The following RAD51B variants were observed in gnomAD, a reference collection of about 807,000 sequenced individuals.
RAD51B encodes RAD51 paralog B, also known as DNA repair protein RAD51 homolog 2.
In RAD51B, 38 loss-of-function variants were observed where a neutral mutation model predicts 42.2. The ratio of observed to expected loss-of-function variants is 0.90; its 90% confidence interval spans 0.70 to 1.18. The LOEUF (loss-of-function observed/expected upper bound fraction) is 1.18, where lower values mean the gene tolerates loss of function less well. Among genes scored for constraint, RAD51B ranks in the 50% most tolerant of loss-of-function variants. RAD51B has a pLI of 0.00. For missense variants in RAD51B, 373 were observed against 400.7 expected (o/e 0.93, Z 0.59); for synonymous variants, 154 against 145.2 (o/e 1.06, Z -0.43).
chr14:68,341,014 C>G (rs1049146212), intron 8 of RAD51B, among the ~76,000 whole-genome samples: 1 of 152,148 alleles, frequency 6.6e-6, no homozygotes, highest in Non-Finnish European at 1.5e-5. Context: ...AGGTGAGAAG[C>G]AAGAATTTTC....
intron 8 of RAD51B, among the ~76,000 whole-genome samples, chr14:68,344,955 A>AAC (rs1258572407): frequency 2.0e-5 from 3 of 151,846 alleles, no homozygotes; most frequent in Non-Finnish European, 4.4e-5. Context: ...TCAAAAAAAA[A>AAC]AAAAAAAAAA....
chr14:68,284,943 C>T (rs1274034976), intron 7 of RAD51B, among the ~76,000 whole-genome samples: 1 of 152,098 alleles, frequency 6.6e-6, no homozygotes, highest in African/African-American at 2.4e-5. Context: ...CGTCTGGGAG[C>T]GTGGCCTTTC....
At chr14:68,670,295 T>C (rs1893129510) in intron 11 of RAD51B, among the ~76,000 whole-genome samples, 1 of 152,100 alleles carries the variant, frequency 6.6e-6, no homozygotes. Flanking sequence ...GGTGGAACAG[T>C]GGACAGATGG....
At chr14:67,982,846 T>C (rs1566554586) in intron 7 of RAD51B, among the ~76,000 whole-genome samples, 1 of 152,048 alleles carries the variant, frequency 6.6e-6, no homozygotes, top group Non-Finnish European at 1.5e-5. Flanking sequence ...GGAAGATCAC[T>C]TGAGCCCAGG....
intron 7 of RAD51B, among the ~76,000 whole-genome samples, chr14:68,043,846 A>G (rs1406846490): frequency 3.9e-5 from 6 of 152,364 alleles, no homozygotes; most frequent in Admixed American, 2.6e-4. Flanking sequence ...AAAGATGGCA[A>G]AACCCCTAGA....
In RAD51B at chr14:68,190,404, A is replaced by C. The variant is rs538684663; in HGVS notation, c.757-101480A>C. Among the ~76,000 whole-genome samples the C allele has an allele frequency of 5.9e-5, 9 of 152,358 alleles. No individual in the cohort carries two copies. The South Asian group carries it at 1.9e-3, about 32-fold the overall frequency. On this transcript the variant is annotated intron_variant, in intron 7 of 10. Transcript: ENST00000471583. ...GGAAACAGATTTTTAAAAATGTATA[A>C]ATAGATAAACATGTATAAGCAGAGT...
chr14:67,887,009 C>A lies in RAD51B; in HGVS notation c.573-12C>A. 3 of 1,419,404 alleles carry A rather than the reference C, an allele frequency of 2.1e-6. No individual in the cohort carries two copies. The highest frequency in any genetic ancestry group is 2.8e-5 in the South Asian group (2 of 72,648). 87.9% of individuals were successfully genotyped at this position (1,419,404 alleles called of 1,614,324 possible). A position where few individuals can be genotyped will look rare whatever the true frequency, so the allele number is the denominator to read the frequency against. ...AAATTTATTGACTATTTTATAAATT[C>A]TTCTTTTATAGGATTGAATCTTTGG... On this transcript the variant is annotated splice_polypyrimidine_tract_variant and intron_variant, in intron 6 of 10. Transcript: ENST00000471583.
chr14:67,963,838 A>AT (rs939550791), intron 7 of RAD51B, among the ~76,000 whole-genome samples: 2 of 151,528 alleles, frequency 1.3e-5, no homozygotes, highest in African/African-American at 4.8e-5. Flanking sequence ...TTTTTTTAGG[A>AT]TTTTTTTGAG....
At chr14:68,318,468 A>C (rs1205524972) in intron 8 of RAD51B, among the ~76,000 whole-genome samples, 1 of 152,198 alleles carries the variant, frequency 6.6e-6, no homozygotes, top group African/African-American at 2.4e-5. Flanking sequence ...TTCTAAATTT[A>C]AGTTGCTAAG....
intron 7 of RAD51B, among the ~76,000 whole-genome samples, chr14:68,148,921 T>C (rs1019872228): frequency 2.6e-5 from 4 of 152,230 alleles, no homozygotes; most frequent in African/African-American, 4.8e-5. Context: ...TTTTGACTTA[T>C]GAGTTTTCAA....
chr14:68,598,021 T>C (rs1226440183), downstream of RAD51B, among the ~76,000 whole-genome samples: 1 of 151,998 alleles, frequency 6.6e-6, no homozygotes, highest in Non-Finnish European at 1.5e-5. Flanking sequence ...CTTAGAAAAA[T>C]AGACGGCCGT....
intron 3 of RAD51B, among the ~76,000 whole-genome samples, chr14:67,834,570 C>T (rs1257862267): frequency 6.6e-6 from 1 of 152,130 alleles, no homozygotes; most frequent in African/African-American, 2.4e-5. Flanking sequence ...TACACCCACA[C>T]TCCATCTTTC....
intron 8 of RAD51B, among the ~76,000 whole-genome samples, chr14:68,315,869 T>A (rs913755640): frequency 6.6e-6 from 1 of 152,222 alleles, no homozygotes; most frequent in Admixed American, 6.5e-5. Flanking sequence ...AATTTTCTAC[T>A]ACTAGAACAA....
chr14:68,488,680 C>T (rs1370986727), intron 10 of RAD51B, among the ~76,000 whole-genome samples: 2 of 152,226 alleles, frequency 1.3e-5, no homozygotes, highest in Non-Finnish European at 2.9e-5. Context: ...GACATCCACC[C>T]TGCTCTTTGG....
intron 7 of RAD51B, among the ~76,000 whole-genome samples, chr14:68,167,002 A>C (rs916527759): frequency 6.6e-6 from 1 of 152,040 alleles, no homozygotes; most frequent in Non-Finnish European, 1.5e-5. Flanking sequence ...GGCAGCTGCA[A>C]TTGTCTTCCT....
intron 5 of RAD51B, among the ~76,000 whole-genome samples, chr14:67,883,374 T>C (rs1397528686): frequency 6.6e-6 from 1 of 151,846 alleles, no homozygotes; most frequent in Non-Finnish European, 1.5e-5. Context: ...TCTTATGTGA[T>C]CTTGGCCTTG....
At chr14:68,549,110 C>T (rs1888383246) in intron 10 of RAD51B, among the ~76,000 whole-genome samples, 1 of 152,130 alleles carries the variant, frequency 6.6e-6, no homozygotes, top group Non-Finnish European at 1.5e-5. Context: ...AGGAGTAGGT[C>T]AGGTTCTTCA....
chr14:68,235,111 T>G (rs1286197912), intron 7 of RAD51B, among the ~76,000 whole-genome samples: 2 of 152,180 alleles, frequency 1.3e-5, no homozygotes, highest in East Asian at 3.9e-4. Flanking sequence ...ACATAGTCAT[T>G]TATTATCATT....
intron 7 of RAD51B, among the ~76,000 whole-genome samples, chr14:68,193,116 G>T (rs144197341): frequency 1.3e-5 from 2 of 152,258 alleles, no homozygotes; most frequent in Non-Finnish European, 2.9e-5. Context: ...CAGCCACACA[G>T]GTTTCATGTG....
Sources: allele counts gnomAD v4.1 joint callset (sites outside exome capture counted in the v4.1 genomes callset), GRCh38; gene constraint gnomAD v4.1.1; transcripts MANE v1.5; gene names NCBI Gene and HGNC (gene_info 2026-07-23, HGNC 2026-07-21).